Variants in GRM5 observed in about 807,000 individuals in gnomAD.
The protein encoded by GRM5 is metabotropic glutamate receptor 5.
Under a neutral mutation model 83.1 loss-of-function variants are expected in GRM5, and 19 were observed. The ratio of observed to expected loss-of-function variants is 0.23; its 90% CI spans 0.16 to 0.34. GRM5 has a LOEUF of 0.34. Among genes scored for constraint, GRM5 ranks in the 10% least tolerant of loss-of-function variants. GRM5 has a pLI of 1.00. For synonymous variants in GRM5, 675 were observed against 633.6 expected (o/e 1.07, Z -0.98); for missense variants, 1,160 against 1,588.3 (o/e 0.73, Z 4.58).
At chr11:88,763,139 T>C (rs35351749) in intron 3 of GRM5, among the ~76,000 whole-genome samples, 2,565 of 152,004 alleles carry the variant, frequency 0.017, 45 homozygotes, top group East Asian at 0.071. Flanking sequence ...TTTACCTATA[T>C]AGCAAACCTG....
intron 2 of GRM5, among the ~76,000 whole-genome samples, chr11:88,932,820 A>G (rs919308490): frequency 1.1e-4 from 16 of 151,938 alleles, no homozygotes; most frequent in African/African-American, 3.4e-4. Context: ...TGGAAGCTTC[A>G]GTTCCCTGTT....
At chr11:89,045,495 C>A (rs1941623151) in intron 2 of GRM5, among the ~76,000 whole-genome samples, 1 of 152,056 alleles carries the variant, frequency 6.6e-6, no homozygotes. Flanking sequence ...CTAAGATGAT[C>A]TTGGAAATTA....
chr11:88,860,891 T>TTG (rs1381463364), intron 2 of GRM5, among the ~76,000 whole-genome samples: 1 of 152,186 alleles, frequency 6.6e-6, no homozygotes, highest in African/African-American at 2.4e-5. Context: ...TAATTTAGAC[T>TTG]TGTGCTGTCC....
chr11:88,670,013 G>C (rs1423197263), intron 3 of GRM5, among the ~76,000 whole-genome samples: 1 of 151,930 alleles, frequency 6.6e-6, no homozygotes, highest in Non-Finnish European at 1.5e-5. Flanking sequence ...AAGTTTATTT[G>C]AAAAATGTAG....
intron 4 of GRM5, among the ~76,000 whole-genome samples, chr11:88,624,103 A>G (rs1039300076): frequency 6.6e-6 from 1 of 152,204 alleles, no homozygotes; most frequent in Admixed American, 6.5e-5. Flanking sequence ...ATGGGCTTGT[A>G]TGAAGGCCTA....
intron 4 of GRM5, among the ~76,000 whole-genome samples, chr11:88,642,014 T>G (rs1386329094): frequency 6.6e-6 from 1 of 152,144 alleles, no homozygotes; most frequent in Non-Finnish European, 1.5e-5. Flanking sequence ...CACTCTTCCC[T>G]GGTAGTGGTT....
At chr11:88,525,237 A>T in intron 9 of GRM5, 72 bp downstream of exon 9, 1 of 863,192 alleles carries the variant, frequency 1.2e-6, no homozygotes, top group East Asian at 2.4e-5. Context: ...GACCCAGACC[A>T]GGGAGCCACA....
chr11:88,529,865 G>T (rs1941968149), intron 8 of GRM5, among the ~76,000 whole-genome samples: 1 of 151,998 alleles, frequency 6.6e-6, no homozygotes, highest in Non-Finnish European at 1.5e-5. Context: ...GTGTTGGATG[G>T]TGCAGTTAAC....
At chr11:88,720,025 T>G (rs1941496755) in intron 3 of GRM5, among the ~76,000 whole-genome samples, 1 of 152,126 alleles carries the variant, frequency 6.6e-6, no homozygotes, top group South Asian at 2.1e-4. Flanking sequence ...GTCTGTTTAC[T>G]CTGTTAATAG....
chr11:88,980,094 G>T (rs1401632701), intron 2 of GRM5, among the ~76,000 whole-genome samples: 1 of 152,178 alleles, frequency 6.6e-6, no homozygotes, highest in East Asian at 1.9e-4. Context: ...GTGTGCGGAG[G>T]TTGGATTTTG....
At chr11:88,841,440 C>T (rs1434783932) in intron 3 of GRM5, among the ~76,000 whole-genome samples, 1 of 152,130 alleles carries the variant, frequency 6.6e-6, no homozygotes, top group African/African-American at 2.4e-5. Flanking sequence ...TTTGCTTTTT[C>T]TTGAATAATA....
At chr11:88,905,090 TATATA>T (rs1284541378) in intron 2 of GRM5, among the ~76,000 whole-genome samples, 2 of 152,202 alleles carry the variant, frequency 1.3e-5, no homozygotes, top group Non-Finnish European at 2.9e-5. Context: ...CAGATGTGTC[TATATA>T]ATATATGTGT....
chr11:88,993,236 A>T (rs1940050796), intron 2 of GRM5, among the ~76,000 whole-genome samples: 1 of 132,558 alleles, frequency 7.5e-6, no homozygotes, highest in African/African-American at 2.8e-5. Context: ...ACTGCACTCC[A>T]GCCTGGAGGA....
chr11:88,522,103 C>T (rs904517088), intron 9 of GRM5, among the ~76,000 whole-genome samples: 8 of 152,220 alleles, frequency 5.3e-5, no homozygotes, highest in African/African-American at 1.9e-4. Flanking sequence ...ACTAGCTATT[C>T]AATAATGGCC....
intron 7 of GRM5, among the ~76,000 whole-genome samples, chr11:88,589,532 A>G (rs1937604216): frequency 6.6e-6 from 1 of 152,184 alleles, no homozygotes. Context: ...AAATAAGTGA[A>G]TACAACTACT....
chr11:88,603,256 C>G (rs559317233), intron 5 of GRM5, among the ~76,000 whole-genome samples: 1 of 152,324 alleles, frequency 6.6e-6, no homozygotes, highest in African/African-American at 2.4e-5. Context: ...CCTTCTGAGG[C>G]ATCTCCTCCC....
intron 7 of GRM5, among the ~76,000 whole-genome samples, chr11:88,585,337 T>C (rs753471007): frequency 6.6e-6 from 1 of 152,234 alleles, no homozygotes; most frequent in African/African-American, 2.4e-5. Context: ...GAACCTAAGA[T>C]GGATAGAGGG....
intron 9 of GRM5, among the ~76,000 whole-genome samples, chr11:88,511,177 T>A (rs1162049186): frequency 1.3e-5 from 2 of 152,266 alleles, no homozygotes; most frequent in Non-Finnish European, 2.9e-5. Flanking sequence ...TCAGATTCTT[T>A]CACAATCTGA....
chr11:89,060,666 AAAG>A (rs1941973410), intron 1 of GRM5, among the ~76,000 whole-genome samples: 2 of 152,258 alleles, frequency 1.3e-5, no homozygotes, highest in South Asian at 4.1e-4. Context: ...TATATAGTTA[AAAG>A]ATGATTCAGA....
Sources: gnomAD v4.1 joint callset for allele counts (sites outside exome capture counted in the v4.1 genomes callset) on GRCh38, gnomAD v4.1.1 for gene constraint, MANE v1.5 for transcripts, NCBI Gene and HGNC (gene_info 2026-07-23, HGNC 2026-07-21) for gene names.